PECR: variants seen among roughly 807,000 people sequenced by gnomAD.
PECR encodes the protein 2,4-dienoyl-CoA reductase-related protein.
Under a neutral mutation model 35.3 loss-of-function variants are expected in PECR, and 30 were observed. The observed-to-expected ratio is 0.85, with a 90% CI of 0.64 to 1.15. PECR has a LOEUF of 1.15. PECR is among the 50% of genes most tolerant of loss of function. The pLI, the probability that PECR is intolerant of heterozygous loss-of-function variation, is 0.00. For synonymous variants in PECR, 148 were observed against 138.9 expected (o/e 1.07, Z -0.46); for missense variants, 392 against 370.8 (o/e 1.06, Z -0.47).
downstream of PECR, chr2:216,033,957 C>T (rs1559204636): frequency 1.3e-5 from 2 of 152,214 alleles, no homozygotes; most frequent in African/African-American, 4.8e-5. Context: ...TTTGACGTAG[C>T]ATACCTTTCC....
intron 3 of PECR, among the ~76,000 whole-genome samples, chr2:216,059,374 T>C (rs1695290167): frequency 6.6e-6 from 1 of 152,252 alleles, no homozygotes; most frequent in Non-Finnish European, 1.5e-5. Flanking sequence ...GTCTAACTTC[T>C]TCCACTTAGA....
intron 1 of PECR, among the ~76,000 whole-genome samples, chr2:216,075,802 A>G (rs538047160): frequency 5.9e-5 from 9 of 152,308 alleles, no homozygotes; most frequent in African/African-American, 2.2e-4. Context: ...GGTGTTGGTA[A>G]CAGGCTAGTT....
chr2:216,058,905 G>T lies in PECR; in HGVS notation c.496C>A (p.Pro166Thr), dbSNP rs768177191. 5 of 1,593,240 alleles carry T rather than the reference G, an allele frequency of 3.1e-6. No homozygotes were observed. In the East Asian group the frequency reaches 8.9e-5, roughly 28 times the overall value. ...NIIVPTKAGFPLAVHSGAARA... is the reference protein window; with the variant it reads ...NIIVPTKAGFTLAVHSGAARA... ...TATAAAAACGCTTACACAGCTAATG[G>T]AAATCCAGCTTTAGTAGGGACAATG... The change falls in exon 4 of 8, where the codon CCA becomes ACA. Residue 166 changes from proline (P) to threonine (T), a missense_variant. By Grantham distance (38) the Pro-to-Thr change is conservative. Coordinates refer to ENST00000265322, the MANE Select transcript of PECR (RefSeq NM_018441.6).
intron 6 of PECR, among the ~76,000 whole-genome samples, chr2:216,047,306 A>G (rs1364038182): frequency 6.6e-6 from 1 of 151,950 alleles, no homozygotes; most frequent in African/African-American, 2.4e-5. Context: ...TAATGCATGC[A>G]AAGTACATTT....
chr2:216,071,278 T>C (rs1242295409), intron 1 of PECR, among the ~76,000 whole-genome samples: 1 of 152,246 alleles, frequency 6.6e-6, no homozygotes, highest in Non-Finnish European at 1.5e-5. Context: ...CCAGGAGGCA[T>C]GCCGTTGCCA....
At chr2:216,063,555 T>C (rs551580202) in intron 3 of PECR, among the ~76,000 whole-genome samples, 130 of 150,156 alleles carry the variant, frequency 8.7e-4, no homozygotes, top group Non-Finnish European at 1.4e-3. Context: ...GAGGTGGAGG[T>C]TGCAGTGAGC....
In PECR at chr2:216,065,432, T is replaced by C; in HGVS notation, c.304A>G (p.Asn102Asp). 9 of 1,607,130 alleles carry C rather than the reference T, an allele frequency of 5.6e-6. No homozygotes were observed. The highest frequency in any genetic ancestry group is 7.7e-6 in the Non-Finnish European group (9 of 1,173,672). Residue 102 changes from asparagine to aspartate, a missense_variant, in exon 3 of 8, where the codon AAT becomes GAT. Coordinates refer to ENST00000265322, the MANE Select transcript of PECR (RefSeq NM_018441.6). ...KSTLDTFGKI[N>D]FLVNNGGGQF... ...CCTCCTCCATTGTTCACCAAGAAAT[T>C]GATCTTACCAAAAGTATCTAAGGTA...
In PECR at chr2:216,046,254, T is replaced by C. The variant is rs1013977899; in HGVS notation, c.715-2239A>G. 8.8e-5 allele frequency among the ~76,000 whole-genome samples: 13 copies of C among 147,036 alleles called. No individual in the cohort carries two copies. In the East Asian group the frequency reaches 2.5e-3, roughly 29 times the overall value. On this transcript the variant is annotated intron_variant, in intron 6 of 7. Coordinates refer to ENST00000265322, the MANE Select transcript of PECR (RefSeq NM_018441.6). ...GTTTTAATTTCTAATACAGCAAATA[T>C]AGATAATGTAAACCACATAAAGTAT... is the stretch of plus-strand genomic sequence containing the variant.
intron 4 of PECR, chr2:216,057,924 T>G (rs1190326796): frequency 1.3e-5 from 2 of 152,168 alleles, no homozygotes; most frequent in Non-Finnish European, 2.9e-5. Flanking sequence ...ACTCTCTCAC[T>G]GGAGAGTTAA....
chr2:216,040,672 T>C (rs112809733), intron 7 of PECR, among the ~76,000 whole-genome samples: 20,723 of 152,096 alleles, frequency 0.14, 1,728 homozygotes, highest in South Asian at 0.23. Context: ...AGTTCGAGAC[T>C]AGCCTGGCCA....
intron 4 of PECR, among the ~76,000 whole-genome samples, chr2:216,053,157 A>G (rs1029529349): frequency 5.3e-5 from 8 of 151,282 alleles, no homozygotes; most frequent in Non-Finnish European, 5.9e-5. Context: ...CCCAGCCTCA[A>G]CTGAACATTT....
At chr2:216,069,961 T>A (rs574074542) in intron 1 of PECR, among the ~76,000 whole-genome samples, 41 of 150,360 alleles carry the variant, frequency 2.7e-4, no homozygotes, top group Admixed American at 7.3e-4. Flanking sequence ...AAGAAACTTT[T>A]GGAAATATTT....
chr2:216,046,471 T>C (rs1408530369), intron 6 of PECR, among the ~76,000 whole-genome samples: 2 of 151,590 alleles, frequency 1.3e-5, no homozygotes, highest in Non-Finnish European at 2.9e-5. Context: ...CCACCATGCT[T>C]GGCTAATTTT....
chr2:216,055,751 C>G (rs1695214848), intron 4 of PECR, among the ~76,000 whole-genome samples: 1 of 152,124 alleles, frequency 6.6e-6, no homozygotes, highest in African/African-American at 2.4e-5. Context: ...AGTGTAGGAA[C>G]CCCTGATGCA....
intron 1 of PECR, among the ~76,000 whole-genome samples, chr2:216,080,733 G>T (rs185651911): frequency 6.6e-5 from 10 of 152,244 alleles, no homozygotes; most frequent in Non-Finnish European, 1.3e-4. Flanking sequence ...CAATAAAGTT[G>T]ATTATTTTTT....
chr2:216,032,566 G>T (rs1694725646), intron 7 of PECR, among the ~76,000 whole-genome samples: 2 of 152,180 alleles, frequency 1.3e-5, no homozygotes, highest in Non-Finnish European at 2.9e-5. Flanking sequence ...CAGGTCAGAA[G>T]GCAATAGCTT....
chr2:216,055,441 A>AC (rs1695206555), intron 4 of PECR, among the ~76,000 whole-genome samples: 2 of 150,930 alleles, frequency 1.3e-5, no homozygotes, highest in African/African-American at 4.9e-5. Flanking sequence ...CCATCTCAAA[A>AC]AAAAAAAACA....
At chr2:216,069,149 A>AT (rs138159197) in intron 1 of PECR, among the ~76,000 whole-genome samples, 381 of 152,320 alleles carry the variant, frequency 2.5e-3, no homozygotes, top group Non-Finnish European at 4.7e-3. Context: ...CAACCATGGT[A>AT]TATTAACTGT....
chr2:216,049,811 G>A (rs915335942), intron 5 of PECR, among the ~76,000 whole-genome samples: 1 of 152,190 alleles, frequency 6.6e-6, no homozygotes, highest in Non-Finnish European at 1.5e-5. Context: ...TACCTAGATT[G>A]AAATCGCAAA....
Sources: allele counts gnomAD v4.1 joint callset (sites outside exome capture counted in the v4.1 genomes callset), GRCh38; gene constraint gnomAD v4.1.1; transcripts MANE v1.5; gene names NCBI Gene and HGNC (gene_info 2026-07-23, HGNC 2026-07-21).